GPHN: variants seen among roughly 807,000 people sequenced by gnomAD.
GPHN encodes the protein gephyrin.
In GPHN, 17 loss-of-function variants were observed where a neutral mutation model predicts 95.5. The ratio of observed to expected loss-of-function variants is 0.18; its 90% CI spans 0.12 to 0.27. The LOEUF (loss-of-function observed/expected upper bound fraction) is 0.27, where lower values mean the gene tolerates loss of function less well. GPHN is among the 10% of genes least tolerant of loss of function. The pLI is 1.00. For missense variants in GPHN, 660 were observed against 978.1 expected (o/e 0.67, Z 4.34); for synonymous variants, 320 against 322.5 (o/e 0.99, Z 0.08).
At chr14:67,408,549 C>T in the GPHN span, among the ~76,000 whole-genome samples, 1 of 151,944 alleles carries the variant, frequency 6.6e-6, no homozygotes, top group Non-Finnish European at 1.5e-5. Flanking sequence ...TGACTGGTGT[C>T]CTTATAGGAA....
chr14:67,477,655 T>G, the GPHN span, among the ~76,000 whole-genome samples: 3 of 152,192 alleles, frequency 2.0e-5, no homozygotes, highest in East Asian at 5.8e-4. Context: ...GCAGGTGTGG[T>G]GGCTTATGCC....
intron 21 of GPHN, chr14:67,169,250 T>A (rs1228071640): frequency 5.1e-6 from 3 of 586,970 alleles, no homozygotes; most frequent in Non-Finnish European, 9.1e-6. Flanking sequence ...TTTCTCCAGA[T>A]AGAAGTCCAT....
In GPHN at chr14:66,664,708, A is replaced by T. The variant is rs956273651; in HGVS notation, c.65-16399A>T. On this transcript the variant is annotated intron_variant, in intron 1 of 22. Transcript: ENST00000478722. ...TAAATCCAGGAGTTGTTTTTTTGAA[A>T]AGATTAATAAAATAGGCCACTAGAT... Among the ~76,000 whole-genome samples the T allele has an allele frequency of 1.4e-4, 21 of 151,832 alleles. 1 individual carries two copies. The highest frequency in any genetic ancestry group is 9.8e-4 in the Admixed American group (15 of 15,230).
the GPHN span, chr14:67,382,729 G>A: frequency 1.2e-5 from 11 of 940,152 alleles, no homozygotes; most frequent in Non-Finnish European, 1.6e-6. Flanking sequence ...ATGGTGTTAG[G>A]GTCACCCCCC....
chr14:67,567,615 G>A, the GPHN span, among the ~76,000 whole-genome samples: 5 of 152,016 alleles, frequency 3.3e-5, no homozygotes, highest in Admixed American at 3.3e-4. Flanking sequence ...TCTGTCTCCT[G>A]CCGCCCCTCC....
intron 1 of GPHN, among the ~76,000 whole-genome samples, chr14:66,645,190 A>G (rs1482056454): frequency 6.6e-6 from 1 of 152,192 alleles, no homozygotes; most frequent in African/African-American, 2.4e-5. Flanking sequence ...TCTGGAAGCA[A>G]GCATTACCTG....
the GPHN span, among the ~76,000 whole-genome samples, chr14:67,605,778 G>A: frequency 2.6e-5 from 4 of 152,102 alleles, no homozygotes; most frequent in Admixed American, 2.6e-4. Context: ...TGCCTCCTGG[G>A]ATCAAGCAAT....
chr14:66,884,822 A>G (rs976668145), intron 5 of GPHN, among the ~76,000 whole-genome samples: 25 of 148,236 alleles, frequency 1.7e-4, no homozygotes, highest in African/African-American at 3.9e-4. Context: ...GTGTGTGTAT[A>G]TATATATATA....
At chr14:67,728,504 C>A in the GPHN span, among the ~76,000 whole-genome samples, 1 of 152,116 alleles carries the variant, frequency 6.6e-6, no homozygotes, top group African/African-American at 2.4e-5. Flanking sequence ...TGGCCCTGCA[C>A]CCTGCCAGGT....
chr14:66,971,757 A>G (rs2069803029), intron 9 of GPHN, among the ~76,000 whole-genome samples: 1 of 152,186 alleles, frequency 6.6e-6, no homozygotes, highest in South Asian at 2.1e-4. Flanking sequence ...TTGCACTTCA[A>G]ATGGATCTTT....
In GPHN at chr14:66,828,716, A is replaced by G. The variant is rs541231729; in HGVS notation, c.294+4150A>G. Among the ~76,000 whole-genome samples the G allele has an allele frequency of 3.9e-4, 59 of 152,282 alleles. No individual in the cohort carries two copies. The South Asian group carries it at 9.3e-3, about 24-fold the overall frequency. Reference sequence around the variant, plus strand: ...AGGATGAATGAAAAAAAACAATCCAAAGATTTTGTCAATGGGTATGAGCTC... The same window carrying G: ...AGGATGAATGAAAAAAAACAATCCAGAGATTTTGTCAATGGGTATGAGCTC... On this transcript the variant is annotated intron_variant, in intron 4 of 22. Coordinates refer to ENST00000478722, the MANE Select transcript of GPHN (RefSeq NM_020806.5).
At chr14:66,724,254 T>C (rs2153429784) in intron 2 of GPHN, among the ~76,000 whole-genome samples, 1 of 152,272 alleles carries the variant, frequency 6.6e-6, no homozygotes, top group African/African-American at 2.4e-5. Flanking sequence ...AGATTTTAAT[T>C]GCCCTTCTGA....
At position 67,070,694 on chromosome 14, in the gene GPHN, C is replaced by CAAAAAA. The variant is rs34577444; in HGVS notation, c.1144+11925_1144+11930dup. On this transcript the variant is annotated intron_variant, in intron 11 of 22. Transcript: ENST00000478722. ...CTAGTGACAGAGTGAGACTTCATCTCAAAAAAAAAAAAAAAAAAAAAATAT... is the reference window on the plus strand; with the variant it reads ...CTAGTGACAGAGTGAGACTTCATCTCAAAAAAAAAAAAAAAAAAAAAAAAAAAATAT... 1.1e-4 allele frequency among the ~76,000 whole-genome samples: 7 copies of CAAAAAA among 64,406 alleles called. No homozygotes were observed. In the East Asian group the frequency reaches 2.2e-3, roughly 20 times the overall value. The allele number at this position is 64,406 out of a possible 152,430, so 42.3% of individuals were successfully genotyped here.
At chr14:66,627,143 A>C (rs1245934902) in intron 1 of GPHN, among the ~76,000 whole-genome samples, 1 of 151,986 alleles carries the variant, frequency 6.6e-6, no homozygotes, top group Non-Finnish European at 1.5e-5. Context: ...TATTGAACTT[A>C]AGAAATAAAA....
intron 2 of GPHN, among the ~76,000 whole-genome samples, chr14:66,773,352 CTT>C (rs542180875): frequency 5.8e-4 from 71 of 121,762 alleles, no homozygotes; most frequent in African/African-American, 1.2e-3. Flanking sequence ...TTGGGGAAAT[CTT>C]TTTTTTTTTT....
At chr14:66,758,082 G>A (rs2058628758) in intron 2 of GPHN, among the ~76,000 whole-genome samples, 1 of 152,174 alleles carries the variant, frequency 6.6e-6, no homozygotes, top group South Asian at 2.1e-4. Context: ...AGGTTAAAGT[G>A]AAGACACCAC....
the GPHN span, among the ~76,000 whole-genome samples, chr14:67,230,987 G>A: frequency 2.0e-5 from 3 of 152,166 alleles, no homozygotes; most frequent in South Asian, 2.1e-4. Flanking sequence ...GGCTGTATAT[G>A]TTACCTGCCC....
intron 1 of GPHN, among the ~76,000 whole-genome samples, chr14:66,676,281 C>T (rs139081620): frequency 2.6e-5 from 4 of 152,068 alleles, no homozygotes; most frequent in African/African-American, 9.7e-5. Context: ...TTTCTCCTTT[C>T]TAATTTAGAT....
intron 9 of GPHN, among the ~76,000 whole-genome samples, chr14:66,982,319 TC>T (rs2070732528): frequency 6.6e-6 from 1 of 152,058 alleles, no homozygotes; most frequent in South Asian, 2.1e-4. Context: ...CCAGGCAATT[TC>T]TTTTGTTGCA....
Sources: allele counts gnomAD v4.1 joint callset (sites outside exome capture counted in the v4.1 genomes callset), GRCh38; gene constraint gnomAD v4.1.1; transcripts MANE v1.5; gene names NCBI Gene and HGNC (gene_info 2026-07-23, HGNC 2026-07-21).